Variants in CORO2A observed in about 807,000 individuals in gnomAD.
CORO2A encodes coronin 2A.
In CORO2A, 47 loss-of-function variants were observed where a neutral mutation model predicts 62.4. The observed-to-expected ratio is 0.75, with a 90% CI of 0.60 to 0.96. The LOEUF (loss-of-function observed/expected upper bound fraction) is 0.96, where lower values mean the gene tolerates loss of function less well. CORO2A is among the 40% of genes least tolerant of loss of function. CORO2A has a pLI of 0.00. For synonymous variants in CORO2A, 273 were observed against 268.9 expected (o/e 1.02, Z -0.15); for missense variants, 610 against 684.1 (o/e 0.89, Z 1.21).
chr9:98,145,661 G>A (rs117617313), intron 2 of CORO2A, among the ~76,000 whole-genome samples: 5 of 152,322 alleles, frequency 3.3e-5, no homozygotes, highest in East Asian at 1.9e-4. Context: ...TCTGAGCAGC[G>A]GAGTGATGTG....
intron 1 of CORO2A, among the ~76,000 whole-genome samples, chr9:98,176,867 A>G (rs1828114722): frequency 6.6e-6 from 1 of 152,200 alleles, no homozygotes; most frequent in South Asian, 2.1e-4. Flanking sequence ...AGAACCAGGA[A>G]CAAGATCCAG....
At position 98,128,654 on chromosome 9, in the gene CORO2A, T is replaced by C; in HGVS notation, c.1033A>G (p.Thr345Ala). 1 of 1,614,170 alleles carries C rather than the reference T, an allele frequency of 6.2e-7. No individual in the cohort carries two copies. The highest frequency in any genetic ancestry group is 8.5e-7 in the Non-Finnish European group (1 of 1,180,026). ...ATGGGCTCGATGAGGCTTTTGGTTG[T>C]GATCAGCTTGTAGAAGCGGAAGATC... ...CEIFRFYKLI[T>A]TKSLIEPISM... is the part of the protein sequence containing the mutation. The change falls in exon 9 of 12, where the codon ACA becomes GCA. Residue 345 changes from threonine to alanine, a missense_variant. By Grantham distance (58) the Thr-to-Ala change is moderately conservative. Coordinates refer to ENST00000375077, the MANE Select transcript of CORO2A (RefSeq NM_052820.4).
Position 98,174,690 on chromosome 9 carries a change from C to A in CORO2A, c.1-17030G>T, listed in dbSNP as rs374544693. ...GGTTGAAAAGTGGCAGTTTCCCCTG[C>A]GAGTTATCTCCCTCCTGCAGCCCTG... On this transcript the variant is annotated intron_variant, in intron 1 of 11. Transcript: ENST00000375077. Among the ~76,000 whole-genome samples, 25 of 152,118 alleles carry A rather than the reference C, an allele frequency of 1.6e-4. No homozygotes were observed. In the East Asian group the frequency reaches 4.2e-3, roughly 26 times the overall value.
At chr9:98,148,059 C>T (rs1827667299) in intron 2 of CORO2A, among the ~76,000 whole-genome samples, 1 of 141,934 alleles carries the variant, frequency 7.0e-6, no homozygotes, top group Non-Finnish European at 1.5e-5. Flanking sequence ...CCAGCCTGGG[C>T]AACATCATGA....
chr9:98,135,216 G>T (rs180830414), intron 3 of CORO2A, among the ~76,000 whole-genome samples: 6 of 152,312 alleles, frequency 3.9e-5, no homozygotes, highest in Admixed American at 6.5e-5. Flanking sequence ...CTCCAAATCT[G>T]CCCTTGAGAG....
At chr9:98,137,521 C>T (rs755227101) in intron 3 of CORO2A, 51 bp downstream of exon 3, 7 of 1,482,636 alleles carry the variant, frequency 4.7e-6, no homozygotes, top group South Asian at 3.4e-5. Context: ...ACCCCAACCA[C>T]CCCAATCCCA....
chr9:98,150,533 C>T (rs115599485), intron 2 of CORO2A, among the ~76,000 whole-genome samples: 1,642 of 152,282 alleles, frequency 0.011, 30 homozygotes, highest in African/African-American at 0.037. Context: ...CTTCCCAGAC[C>T]ATCCTGCCTA....
rs543027878 is a variant in CORO2A at position 98,177,258 on chromosome 9, C to A, written c.-1+15301G>T. Among the ~76,000 whole-genome samples, 9 of 152,242 alleles carry A rather than the reference C, an allele frequency of 5.9e-5. No individual in the cohort carries two copies. In the East Asian group the frequency reaches 1.7e-3, roughly 29 times the overall value. ...AGCACATTCACTCCACCCACATTTT[C>A]CAAGTCCCCAGCTGGAGATAGCCCC... On this transcript the variant is annotated intron_variant, in intron 1 of 11. Coordinates refer to ENST00000375077, the MANE Select transcript of CORO2A (RefSeq NM_052820.4).
At chr9:98,161,509 G>A (rs540394927) in intron 1 of CORO2A, among the ~76,000 whole-genome samples, 4 of 152,222 alleles carry the variant, frequency 2.6e-5, no homozygotes, top group East Asian at 1.9e-4. Context: ...AGCCAAGATC[G>A]CACCACTGCA....
intron 2 of CORO2A, among the ~76,000 whole-genome samples, chr9:98,153,932 A>C (rs1827764567): frequency 6.6e-6 from 1 of 151,888 alleles, no homozygotes; most frequent in Non-Finnish European, 1.5e-5. Context: ...TTTATCAAAC[A>C]CTTTTTCTCC....
chr9:98,141,447 G>A (rs1015445250), intron 2 of CORO2A, among the ~76,000 whole-genome samples: 7 of 151,748 alleles, frequency 4.6e-5, no homozygotes, highest in African/African-American at 1.7e-4. Context: ...CACCTCCCAG[G>A]TTCAAGCAAT....
At chr9:98,134,415 C>A (rs1249657221) in intron 4 of CORO2A, among the ~76,000 whole-genome samples, 2 of 152,214 alleles carry the variant, frequency 1.3e-5, no homozygotes, top group Admixed American at 6.5e-5. Flanking sequence ...CTCATGTCCA[C>A]CTGGAACCTC....
chr9:98,127,045 T>C, intron 10 of CORO2A: 2 of 600,186 alleles, frequency 3.3e-6, no homozygotes, highest in South Asian at 4.0e-5. Context: ...GCTTGGTTTG[T>C]AGGAACAGCA....
At chr9:98,174,259 G>A (rs1309546260) in intron 1 of CORO2A, among the ~76,000 whole-genome samples, 1 of 152,192 alleles carries the variant, frequency 6.6e-6, no homozygotes, top group African/African-American at 2.4e-5. Flanking sequence ...CTGTGCCTCA[G>A]TTTCCTAAGC....
At chr9:98,131,592 T>C (rs1827410201) in intron 6 of CORO2A, among the ~76,000 whole-genome samples, 1 of 152,252 alleles carries the variant, frequency 6.6e-6, no homozygotes, top group African/African-American at 2.4e-5. Flanking sequence ...GTGCTGGGAT[T>C]ACACGCGTGT....
At chr9:98,153,202 T>C (rs1209668220) in intron 2 of CORO2A, among the ~76,000 whole-genome samples, 5 of 148,176 alleles carry the variant, frequency 3.4e-5, no homozygotes, top group Non-Finnish European at 3.0e-5. Context: ...CGGGTTCAAG[T>C]GATTCTCCTG....
chr9:98,129,825 C>A lies in CORO2A; in HGVS notation c.936G>T (p.Glu312Asp). 1 of 1,614,068 alleles carries A rather than the reference C, an allele frequency of 6.2e-7. No individual in the cohort carries two copies. The highest frequency in any genetic ancestry group is 8.5e-7 in the Non-Finnish European group (1 of 1,179,962). Residue 312 changes from glutamate to aspartate, a missense_variant, in exon 8 of 12, where the codon GAG becomes GAT. Coordinates refer to ENST00000375077, the MANE Select transcript of CORO2A (RefSeq NM_052820.4). ...ADKPHLSYLT[E>D]YRSYNPQKGI... Reference sequence around the variant, plus strand: ...CCTTCTGTGGGTTATAGGAGCGGTACTCAGTCAGGTAGCTCAGGTGAGGCT... The same window carrying A: ...CCTTCTGTGGGTTATAGGAGCGGTAATCAGTCAGGTAGCTCAGGTGAGGCT...
chr9:98,159,942 G>C (rs1352819201), intron 1 of CORO2A, among the ~76,000 whole-genome samples: 1 of 152,194 alleles, frequency 6.6e-6, no homozygotes, highest in Non-Finnish European at 1.5e-5. Context: ...CCACACGGCT[G>C]ACCCATGAGG....
intron 2 of CORO2A, among the ~76,000 whole-genome samples, chr9:98,144,995 T>G (rs983033918): frequency 2.6e-5 from 4 of 152,058 alleles, no homozygotes; most frequent in African/African-American, 9.7e-5. Flanking sequence ...GAGGGAGAGA[T>G]GAGAGGAGCA....
Sources: gnomAD v4.1 joint callset for allele counts (sites outside exome capture counted in the v4.1 genomes callset) on GRCh38, gnomAD v4.1.1 for gene constraint, MANE v1.5 for transcripts, NCBI Gene and HGNC (gene_info 2026-07-23, HGNC 2026-07-21) for gene names.